LILRB5: variants seen among roughly 807,000 people sequenced by gnomAD.
LILRB5 encodes the protein leukocyte immunoglobulin like receptor B5.
A neutral mutation model predicts 68.4 loss-of-function variants in LILRB5; 61 were observed. The observed-to-expected ratio is 0.89, with a 90% CI of 0.73 to 1.10. LILRB5 has a LOEUF of 1.10. LILRB5 is among the 50% of genes least tolerant of loss of function. The probability of loss-of-function intolerance (pLI) is 0.00; values close to 1 mark genes in which losing one functional copy is unlikely to be tolerated. For synonymous variants in LILRB5, 356 were observed against 315.8 expected (o/e 1.13, Z -1.35); for missense variants, 771 against 751.6 (o/e 1.03, Z -0.30).
At position 54,252,056 on chromosome 19, in the gene LILRB5, G is replaced by C. The variant is rs199996608; in HGVS notation, c.1627C>G (p.Pro543Ala). ...QPKDGVEMDA[P>A]AAASEAPQDV... is the part of the protein sequence containing the mutation. ...CCGGGACAGGGGCGGGGCCTCACCG[G>C]AGCATCCATCTCCACCCCGTCCTTG... Residue 543 changes from proline to alanine, a missense_variant and splice_region_variant, in exon 12 of 13, where the codon CCG becomes GCG. Pro to Ala is a conservative substitution (Grantham distance 27). Coordinates refer to ENST00000449561, the MANE Select transcript of LILRB5 (RefSeq NM_001081442.3). The C allele has an allele frequency of 2.5e-6, 4 of 1,613,710 alleles. No homozygotes were observed. Among genetic ancestry groups the C allele is most frequent in the Non-Finnish European group, 2.5e-6 (3 of 1,179,882 alleles).
In LILRB5 at chr19:54,254,770, G is replaced by T; in HGVS notation, c.1220C>A (p.Ser407Tyr). 5 of 1,614,128 alleles carry T rather than the reference G, an allele frequency of 3.1e-6. No homozygotes were observed. The highest frequency in any genetic ancestry group is 4.2e-6 in the Non-Finnish European group (5 of 1,180,000). ...GAGCTCCTGGGGGTAACTAGGGCTG[G>T]ACAGCAGGTAGGGGTAGGACCTGAT... ...SAIRSYPYLL[S>Y]SPSYPQELVV... The change falls in exon 6 of 13, where the codon TCC (serine) becomes TAC (tyrosine). Residue 407 changes from serine (S) to tyrosine (Y), a missense_variant. By Grantham distance (144) the Ser-to-Tyr change is moderately radical. Transcript: ENST00000449561.
Position 54,254,882 on chromosome 19 carries a change from T to C in LILRB5, c.1108A>G (p.Lys370Glu). Reference protein sequence around the residue: ...AAHPPLCLKSKYQSYRHQAEF... With the variant: ...AAHPPLCLKSEYQSYRHQAEF... Reference sequence around the variant, plus strand: ...GCCTGGTGTCTATAAGACTGGTACTTTGACTTTAGACACAGCGGGGGATGG... The same window carrying C: ...GCCTGGTGTCTATAAGACTGGTACTCTGACTTTAGACACAGCGGGGGATGG... The change falls in exon 6 of 13, where the codon AAG becomes GAG. Residue 370 changes from lysine (K) to glutamate (E), a missense_variant. By Grantham distance (56) the Lys-to-Glu change is moderately conservative. Coordinates refer to ENST00000449561, the MANE Select transcript of LILRB5 (RefSeq NM_001081442.3). 1 of 1,614,020 alleles carries C rather than the reference T, an allele frequency of 6.2e-7. No homozygotes were observed. The highest frequency in any genetic ancestry group is 8.5e-7 in the Non-Finnish European group (1 of 1,179,966).
chr19:54,256,739 T>C lies in LILRB5; in HGVS notation c.105A>G (p.Pro35=). 1.2e-6 allele frequency: 2 copies of C among 1,613,994 alleles called. No individual in the cohort carries two copies. The highest frequency in any genetic ancestry group is 1.7e-6 in the Non-Finnish European group (2 of 1,179,976). ...GCTTCCCCCGAGCTATCACAGAGGCTGGCTCAGCCCAGAGGGTGGGTTTGG... is the reference window on the plus strand; with the variant it reads ...GCTTCCCCCGAGCTATCACAGAGGCCGGCTCAGCCCAGAGGGTGGGTTTGG... ...TLPKPTLWAE[P]ASVIARGKPV... is the part of the protein sequence containing the mutation. Residue 35 remains proline, a synonymous_variant, in exon 3 of 13, where the codon CCA becomes CCG. Transcript: ENST00000449561.
chr19:54,255,578 C>A lies in LILRB5; in HGVS notation c.660G>T (p.Val220=). The A allele has an allele frequency of 3.1e-6, 5 of 1,612,848 alleles. No homozygotes were observed. Among genetic ancestry groups the A allele is most frequent in the South Asian group, 2.2e-5 (2 of 91,066 alleles). ...SDLLEILVPG[V]SRKPSLLIPQ... The stretch of plus-strand genomic sequence containing the variant: ...GGATCAGGAGGGAGGGCTTCCTAGA[C>A]ACGCCTGGAGGGAAAGAGGAATTGG... Residue 220 remains valine, a synonymous_variant, in exon 5 of 13, where the codon GTG becomes GTT. Transcript: ENST00000449561.
intron 6 of LILRB5, 95 bp downstream of exon 6, chr19:54,254,640 C>G (rs533449202): frequency 2.2e-4 from 334 of 1,497,056 alleles, no homozygotes; most frequent in African/African-American, 5.8e-4. Context: ...AACCCTCCCC[C>G]CCGCACCGCG....
chr19:54,252,033 G>A (rs201816025), intron 12 of LILRB5, 21 bp downstream of exon 12: 217 of 1,612,236 alleles, frequency 1.3e-4, no homozygotes, highest in Admixed American at 5.5e-4. Context: ...TTTGGTGCCC[G>A]GGACAGGGGC....
At position 54,253,032 on chromosome 19, in the gene LILRB5, G is replaced by A. The variant is rs766587468; in HGVS notation, c.1358-45C>T. 7 of 1,359,760 alleles carry A rather than the reference G, an allele frequency of 5.1e-6. No homozygotes were observed. In the South Asian group the frequency reaches 8.2e-5, roughly 16 times the overall value. 84.2% of individuals were successfully genotyped at this position (1,359,760 alleles called of 1,614,324 possible). A position where few individuals can be genotyped will look rare whatever the true frequency, so the allele number is the denominator to read the frequency against. ...GGAATGGGGATGACGTCATTGATGT[G>A]AGCACCTTCTGTGTGCAGGCGCGAG... is the stretch of plus-strand genomic sequence containing the variant. On this transcript the variant is annotated intron_variant, in intron 8 of 12. Transcript: ENST00000449561.
rs538075335 is a variant in LILRB5 at position 54,257,254 on chromosome 19, C to T, written c.-61G>A. The T allele has an allele frequency of 1.6e-5, 25 of 1,605,426 alleles. 1 individual carries two copies. In the South Asian group the frequency reaches 2.5e-4, roughly 16 times the overall value. On this transcript the variant is annotated 5_prime_UTR_variant, in exon 1 of 13. Transcript: ENST00000449561. ...GATGAGACCACGGTGCCTGGCAGGACACAAAAACACGCAGAGTGTGGACTG... is the reference window on the plus strand; with the variant it reads ...GATGAGACCACGGTGCCTGGCAGGATACAAAAACACGCAGAGTGTGGACTG...
At chr19:54,252,796 G>T in intron 9 of LILRB5, 75 bp downstream of exon 9, 1 of 1,367,024 alleles carries the variant, frequency 7.3e-7, no homozygotes. Context: ...ACTTTCCTTT[G>T]TGTTTGGTTT....
chr19:54,254,766 G>C lies in LILRB5; in HGVS notation c.1224C>G (p.Ser408Arg). Residue 408 changes from serine to arginine, a missense_variant, in exon 6 of 13, where the codon AGC (serine) becomes AGG (arginine). Coordinates refer to ENST00000449561, the MANE Select transcript of LILRB5 (RefSeq NM_001081442.3). ...AIRSYPYLLSSPSYPQELVVS... is the reference protein window; with the variant it reads ...AIRSYPYLLSRPSYPQELVVS... Reference sequence around the variant, plus strand: ...CCACGAGCTCCTGGGGGTAACTAGGGCTGGACAGCAGGTAGGGGTAGGACC... The same window carrying C: ...CCACGAGCTCCTGGGGGTAACTAGGCCTGGACAGCAGGTAGGGGTAGGACC... 1.9e-6 allele frequency: 3 copies of C among 1,614,142 alleles called. No individual in the cohort carries two copies. The highest frequency in any genetic ancestry group is 2.5e-6 in the Non-Finnish European group (3 of 1,179,994).
chr19:54,255,456 T>A lies in LILRB5; in HGVS notation c.782A>T (p.His261Leu). ...DIFVLYKEGE[H>L]DLVQGSGQQP... ...CTGGCCAGAGCCCTGGACGAGGTCA[T>A]GTTCCCCCTCCTTGTACAGAACGAA... is the stretch of plus-strand genomic sequence containing the variant. Residue 261 changes from histidine to leucine, a missense_variant, in exon 5 of 13, where the codon CAT (histidine) becomes CTT (leucine). By Grantham distance (99) the His-to-Leu change is moderately conservative. Coordinates refer to ENST00000449561, the MANE Select transcript of LILRB5 (RefSeq NM_001081442.3). The A allele has an allele frequency of 1.2e-6, 2 of 1,613,908 alleles. No homozygotes were observed. The highest frequency in any genetic ancestry group is 1.7e-6 in the Non-Finnish European group (2 of 1,179,824).
chr19:54,251,669 G>C (rs1022188874), intron 12 of LILRB5: 172 of 620,200 alleles, frequency 2.8e-4, no homozygotes, highest in African/African-American at 2.0e-4. Context: ...GGGCGGCTTT[G>C]CTCCCTGCTG....
chr19:54,256,444 C>T, intron 3 of LILRB5, 45 bp downstream of exon 3: 14 of 1,606,672 alleles, frequency 8.7e-6, no homozygotes, highest in Non-Finnish European at 1.1e-5. Flanking sequence ...CGACCCTCTT[C>T]CTGAGGGCAG....
chr19:54,257,078 G>T, intron 1 of LILRB5, 82 bp from the exon 2 acceptor site: 5 of 1,613,786 alleles, frequency 3.1e-6, no homozygotes, highest in Non-Finnish European at 4.2e-6. Context: ...TGATAGACCA[G>T]ATTCTCTGAT....
Position 54,257,154 on chromosome 19 carries a change from C to T in LILRB5, c.34+6G>A. 2 of 1,614,232 alleles carry T rather than the reference C, an allele frequency of 1.2e-6. No homozygotes were observed. The highest frequency in any genetic ancestry group is 1.6e-4 in the Middle Eastern group (1 of 6,062). ...GGGACCTTCCTTCCCCCTCTTCAAA[C>T]CTCACCGAGGCAAATCAGGACTGAG... is the stretch of plus-strand genomic sequence containing the variant. On this transcript the variant is annotated splice_donor_region_variant and intron_variant, in intron 1 of 12. Coordinates refer to ENST00000449561, the MANE Select transcript of LILRB5 (RefSeq NM_001081442.3).
chr19:54,253,256 C>A, intron 8 of LILRB5: 1 of 239,200 alleles, frequency 4.2e-6, no homozygotes, highest in South Asian at 4.4e-5. Flanking sequence ...GCTGCCCCAC[C>A]AGGTGCACAC....
intron 11 of LILRB5, 64 bp from the exon 12 acceptor site, chr19:54,252,170 A>T: frequency 6.3e-7 from 1 of 1,577,270 alleles, no homozygotes; most frequent in Non-Finnish European, 8.7e-7. Context: ...CCGTCCTGCC[A>T]GCCCTTGCCC....
At chr19:54,255,701 C>G (rs748716053) in intron 4 of LILRB5, 119 bp from the exon 5 acceptor site, 20 of 1,237,310 alleles carry the variant, frequency 1.6e-5, no homozygotes, top group Admixed American at 2.6e-5. Context: ...TGTCTCGGAT[C>G]CCGGGGCCTC....
At chr19:54,251,511 C>T (rs1483277353) in intron 12 of LILRB5, 2 of 526,904 alleles carry the variant, frequency 3.8e-6, no homozygotes, top group African/African-American at 3.8e-5. Context: ...GCTGAGCAGA[C>T]AGCCCTCCCC....
Sources: allele counts gnomAD v4.1 joint callset, GRCh38; gene constraint gnomAD v4.1.1; transcripts MANE v1.5; gene names NCBI Gene and HGNC (gene_info 2026-07-23, HGNC 2026-07-21).